Variants in KNDC1 observed in about 807,000 individuals in gnomAD.
KNDC1 encodes the protein kinase non-catalytic C-lobe domain-containing protein 1.
KNDC1 carries 106 observed loss-of-function variants against 172.8 expected under a neutral mutation model. The ratio of observed to expected loss-of-function variants is 0.61; its 90% CI spans 0.52 to 0.72. The LOEUF is 0.72. Ranked by LOEUF, KNDC1 falls within the 30% of genes least tolerant of loss-of-function variation. The probability of loss-of-function intolerance (pLI) is 0.00; values close to 1 mark genes in which losing one functional copy is unlikely to be tolerated. For missense variants in KNDC1, 2,325 were observed against 2,394.5 expected, an observed-to-expected ratio of 0.97 and a Z score of 0.61; for synonymous variants, 1,083 against 1,062.2, an observed-to-expected ratio of 1.02 and a Z score of -0.38.
At chr10:133,196,981 TG>T in intron 10 of KNDC1, 76 bp from the exon 11 acceptor site, 1 of 1,192,226 alleles carries the variant, frequency 8.4e-7, no homozygotes, top group Non-Finnish European at 1.2e-6. Context: ...CTTTTTCAGA[TG>T]GGGACCCAGT....
At chr10:133,219,626 C>T (rs561270011) in intron 28 of KNDC1, among the ~76,000 whole-genome samples, 5 of 152,166 alleles carry the variant, frequency 3.3e-5, no homozygotes, top group Non-Finnish European at 5.9e-5. Flanking sequence ...TCTGGTCAGC[C>T]GGGGTCTCAT....
rs1589750410 is a variant in KNDC1, at chr10:133,186,262, T to G, written c.914T>G (p.Val305Gly). 6.2e-7 allele frequency: 1 copy of G among 1,607,006 alleles called. No homozygotes were observed. Reference sequence around the variant, plus strand: ...CTCAGGAGAAGCCGCCTGCGGAAGGTGCAGACGTTCCCTAGGCTGCTGTCC... The same window carrying G: ...CTCAGGAGAAGCCGCCTGCGGAAGGGGCAGACGTTCCCTAGGCTGCTGTCC... ...DALRRSRLRK[V>G]QTFPRLLSDS... Residue 305 changes from valine (V) to glycine (G), a missense_variant, in exon 6 of 30, where the codon GTG becomes GGG. Physicochemically the swap from Val to Gly is moderately radical, Grantham distance 109 (BLOSUM62 -3). Transcript: ENST00000304613.
chr10:133,197,122 C>T lies in KNDC1; in HGVS notation c.1799C>T (p.Ala600Val), dbSNP rs916413455. The change falls in exon 11 of 30, where the codon GCT becomes GTT. Residue 600 changes from alanine (A) to valine (V), a missense_variant. Transcript: ENST00000304613. ...CGGAAAATCCTTGCCCACCTCAGAG[C>T]TTCCATCTGCCAGGTGGGCTAGAAC... ...DSRKILAHLR[A>V]SICQVYQEEE... 2 of 1,612,818 alleles carry T rather than the reference C, an allele frequency of 1.2e-6. No individual in the cohort carries two copies. Among genetic ancestry groups the T allele is most frequent in the Non-Finnish European group, 1.7e-6 (2 of 1,179,680 alleles).
chr10:133,165,555 A>T (rs1853123167), intron 1 of KNDC1, among the ~76,000 whole-genome samples: 1 of 152,232 alleles, frequency 6.6e-6, no homozygotes, highest in South Asian at 2.1e-4. Flanking sequence ...CGGGGTCCTC[A>T]GACTGACTTA....
At chr10:133,219,224 C>T (rs1289938857) in intron 28 of KNDC1, 134 bp downstream of exon 28, 1 of 1,084,194 alleles carries the variant, frequency 9.2e-7, no homozygotes, top group African/African-American at 1.6e-5. Context: ...AGGGTGGCCT[C>T]ACGGAGGCCT....
At position 133,224,547 on chromosome 10, in the gene KNDC1, C is replaced by T. The variant is rs115627819; in HGVS notation, c.5019-112C>T. ...GACAACCCACCCTTCAGAATTTACA[C>T]GGTGAAAAGATTTAGTCCAAATGAT... is the stretch of plus-strand genomic sequence containing the variant. On this transcript the variant is annotated intron_variant, in intron 29 of 29. Transcript: ENST00000304613. This position sits in a 1 kb window ranked among gnomAD's most constrained non-coding sequence, Gnocchi z 5.4. 1,543 of 743,420 alleles carry T rather than the reference C, an allele frequency of 2.1e-3. 19 individuals carry two copies. The African/African-American group carries it at 0.025, about 12-fold the overall frequency. The allele number at this position is 743,420 out of a possible 1,614,324, so 46.1% of individuals were successfully genotyped here. A position where few individuals can be genotyped will look rare whatever the true frequency, so the allele number is the denominator to read the frequency against.
At position 133,224,603 on chromosome 10, in the gene KNDC1, C is replaced by T. The variant is rs112617229; in HGVS notation, c.5019-56C>T. The T allele has an allele frequency of 5.7e-4, 765 of 1,336,466 alleles. 3 individuals are homozygous for T. In the African/African-American group the frequency reaches 8.0e-3, roughly 14 times the overall value. The allele number at this position is 1,336,466 out of a possible 1,614,324, so 82.8% of individuals were successfully genotyped here. ...AGAACGCGGGGGGACTCCCTCCCCACGGAAGCCGCGCCCCTGCCCTGTGCA... is the reference window on the plus strand; with the variant it reads ...AGAACGCGGGGGGACTCCCTCCCCATGGAAGCCGCGCCCCTGCCCTGTGCA... On this transcript the variant is annotated intron_variant, in intron 29 of 29. Transcript: ENST00000304613. This position sits in a 1 kb window ranked among gnomAD's most constrained non-coding sequence, Gnocchi z 5.4.
intron 10 of KNDC1, among the ~76,000 whole-genome samples, chr10:133,196,119 C>T (rs948385442): frequency 2.0e-5 from 3 of 152,176 alleles, no homozygotes; most frequent in African/African-American, 7.2e-5. Flanking sequence ...GAGGCCAGGG[C>T]GGGGGCAAGG....
intron 25 of KNDC1, 90 bp downstream of exon 25, chr10:133,213,817 A>AG: frequency 6.9e-7 from 1 of 1,453,386 alleles, no homozygotes; most frequent in Non-Finnish European, 9.6e-7. Context: ...GACCAGCAGG[A>AG]GATGCCTGTG....
At chr10:133,191,027 G>A (rs1854058866) in intron 9 of KNDC1, among the ~76,000 whole-genome samples, 1 of 152,182 alleles carries the variant, frequency 6.6e-6, no homozygotes, top group African/African-American at 2.4e-5. Context: ...AAGCTTTTTG[G>A]AGTAATAAAA....
chr10:133,198,476 C>T lies in KNDC1; in HGVS notation c.2046C>T (p.Leu682=), dbSNP rs757410342. The part of the protein sequence containing the change: ...SEATHFKPIV[L]AQNASVARDQ... Reference sequence around the variant, plus strand: ...CCACGCACTTCAAGCCCATTGTCCTCGCGCAGAACGCAAGTGTGGCCAGGT... The same window carrying T: ...CCACGCACTTCAAGCCCATTGTCCTTGCGCAGAACGCAAGTGTGGCCAGGT... Residue 682 remains leucine, a synonymous_variant, in exon 13 of 30, where the codon CTC becomes CTT. Transcript: ENST00000304613. 31 of 1,606,074 alleles carry T rather than the reference C, an allele frequency of 1.9e-5. No individual in the cohort carries two copies. Among genetic ancestry groups the T allele is most frequent in the East Asian group, 9.0e-5 (4 of 44,634 alleles).
At chr10:133,200,336 T>C in intron 15 of KNDC1, 39 bp from the exon 16 acceptor site, 1 of 1,485,732 alleles carries the variant, frequency 6.7e-7, no homozygotes, top group East Asian at 2.6e-5. Context: ...CTCCTCCCAG[T>C]GGGCGGAGGT....
intron 6 of KNDC1, 32 bp downstream of exon 6, chr10:133,186,706 G>A (rs778768611): frequency 2.7e-6 from 4 of 1,507,754 alleles, no homozygotes; most frequent in Non-Finnish European, 2.7e-6. Flanking sequence ...GTGGGTGGAG[G>A]GGTCGGCGGT....
intron 3 of KNDC1, among the ~76,000 whole-genome samples, chr10:133,175,363 T>C (rs1165261781): frequency 1.4e-5 from 2 of 143,150 alleles, no homozygotes; most frequent in Non-Finnish European, 3.0e-5. Context: ...GATGGGTGGG[T>C]GGGTGGTTGT....
intron 7 of KNDC1, among the ~76,000 whole-genome samples, chr10:133,189,039 C>T (rs572754799): frequency 2.0e-5 from 3 of 152,186 alleles, no homozygotes; most frequent in Admixed American, 1.3e-4. Flanking sequence ...GACATTGTCC[C>T]CAGGGAGGCA....
At position 133,224,921 on chromosome 10, in the gene KNDC1, T is replaced by G; in HGVS notation, c.*31T>G. ...CTCGGGCCTGGTGTGGAATTCCAGATCCGAATCCGACTGTGGGGGGCGGGC... is the reference window on the plus strand; with the variant it reads ...CTCGGGCCTGGTGTGGAATTCCAGAGCCGAATCCGACTGTGGGGGGCGGGC... On this transcript the variant is annotated 3_prime_UTR_variant, in exon 30 of 30. Transcript: ENST00000304613. This position sits in a 1 kb window ranked among gnomAD's most constrained non-coding sequence, Gnocchi z 5.4. The G allele has an allele frequency of 6.5e-7, 1 of 1,531,872 alleles. No individual in the cohort carries two copies. Among genetic ancestry groups the G allele is most frequent in the Non-Finnish European group, 9.0e-7 (1 of 1,109,154 alleles). The allele number at this position is 1,531,872 out of a possible 1,614,324, so 94.9% of individuals were successfully genotyped here. A position where few individuals can be genotyped will look rare whatever the true frequency, so the allele number is the denominator to read the frequency against.
At chr10:133,173,995 C>A in intron 3 of KNDC1, 1 of 152,420 alleles carries the variant, frequency 6.6e-6, no homozygotes. Flanking sequence ...TCCAGTGGCC[C>A]GGCCTGGAAG....
Position 133,214,782 on chromosome 10 carries a change from C to T in KNDC1, c.4677+660C>T, listed in dbSNP as rs2136026980. On this transcript the variant is annotated intron_variant, in intron 26 of 29. Coordinates refer to ENST00000304613, the MANE Select transcript of KNDC1 (RefSeq NM_152643.8). The stretch of plus-strand genomic sequence containing the variant: ...TCAGCCTCTTCTAGGTCCTGTGGGG[C>T]TTGGGCTGGACTGGGGGCTCCTCCC... 1.3e-5 allele frequency among the ~76,000 whole-genome samples: 2 copies of T among 152,360 alleles called. 1 individual carries two copies. Among genetic ancestry groups the T allele is most frequent in the South Asian group, 4.1e-4 (2 of 4,834 alleles).
intron 17 of KNDC1, among the ~76,000 whole-genome samples, chr10:133,205,939 A>T (rs1431597851): frequency 6.6e-6 from 1 of 152,156 alleles, no homozygotes; most frequent in Admixed American, 6.6e-5. Context: ...GGTGGCTCAC[A>T]CCTGTAATCC....
Sources: allele counts gnomAD v4.1 joint callset (sites outside exome capture counted in the v4.1 genomes callset), GRCh38; gene constraint gnomAD v4.1.1; non-coding constraint Gnocchi (gnomAD v3.1); transcripts MANE v1.5; gene names NCBI Gene and HGNC (gene_info 2026-07-23, HGNC 2026-07-21).